Variants in GLIPR2 observed in about 807,000 individuals in gnomAD.
GLIPR2 encodes the protein GLI pathogenesis related 2.
GLIPR2 carries 21 observed loss-of-function variants against 20.4 expected under a neutral mutation model. That is an observed-to-expected ratio of 1.03 (90% confidence interval 0.73 to 1.48). The LOEUF is 1.48. Among genes scored for constraint, GLIPR2 ranks in the 40% most tolerant of loss-of-function variants. The pLI, the probability that GLIPR2 is intolerant of heterozygous loss-of-function variation, is 0.00. For missense variants in GLIPR2, 205 were observed against 200.1 expected, an observed-to-expected ratio of 1.02 and a Z score of -0.15; for synonymous variants, 91 against 80.5, an observed-to-expected ratio of 1.13 and a Z score of -0.70.
At chr9:36,150,381 G>A (rs140232672) in intron 3 of GLIPR2, among the ~76,000 whole-genome samples, 58 of 152,336 alleles carry the variant, frequency 3.8e-4, no homozygotes, top group African/African-American at 1.3e-3. Context: ...CCCCAGGTGA[G>A]GTCCCTCCTG....
At chr9:36,147,486 C>G (rs1045214879) in intron 1 of GLIPR2, among the ~76,000 whole-genome samples, 1 of 152,260 alleles carries the variant, frequency 6.6e-6, no homozygotes, top group African/African-American at 2.4e-5. Context: ...AGCTCACTGC[C>G]CTGCTCCCTT....
intron 4 of GLIPR2, among the ~76,000 whole-genome samples, chr9:36,153,708 C>G (rs1292799365): frequency 6.6e-6 from 1 of 152,036 alleles, no homozygotes; most frequent in Non-Finnish European, 1.5e-5. Flanking sequence ...CAAGATCAGC[C>G]TGGCCAACAT....
Position 36,148,552 on chromosome 9 carries a change from C to T in GLIPR2, c.128C>T (p.Ser43Phe). The T allele has an allele frequency of 5.6e-6, 9 of 1,613,242 alleles. No homozygotes were observed. The highest frequency in any genetic ancestry group is 1.3e-5 in the African/African-American group (1 of 75,050). ...KNLNREAQQY[S>F]EALASTRILK... is the part of the protein sequence containing the mutation. ...AGGCGCTGTGAACTCTGCAGGTATT[C>T]TGAGGCCCTGGCCAGCACGAGGATC... The change falls in exon 3 of 5, where the codon TCT becomes TTT. Residue 43 changes from serine (S) to phenylalanine (F), a missense_variant. Physicochemically the swap from Ser to Phe is radical, Grantham distance 155. Transcript: ENST00000377960.
intron 4 of GLIPR2, among the ~76,000 whole-genome samples, chr9:36,159,972 A>G (rs867102571): frequency 6.6e-6 from 1 of 152,198 alleles, no homozygotes; most frequent in African/African-American, 2.4e-5. Context: ...TCAAAAATAA[A>G]TAAATAAATA....
At chr9:36,158,861 T>C (rs1414557424) in intron 4 of GLIPR2, among the ~76,000 whole-genome samples, 1 of 152,180 alleles carries the variant, frequency 6.6e-6, no homozygotes, top group Non-Finnish European at 1.5e-5. Context: ...GGTCAGGAGT[T>C]TGAGACCAGC....
chr9:36,160,238 G>A (rs1239260861), intron 4 of GLIPR2, among the ~76,000 whole-genome samples: 3 of 152,144 alleles, frequency 2.0e-5, no homozygotes, highest in Non-Finnish European at 4.4e-5. Context: ...GGTCAGGCTG[G>A]TCTCCAACTC....
intron 1 of GLIPR2, among the ~76,000 whole-genome samples, chr9:36,139,724 A>G (rs1341708007): frequency 6.6e-6 from 1 of 152,192 alleles, no homozygotes; most frequent in East Asian, 1.9e-4. Context: ...TGCTTGGCAT[A>G]ACAGGCGTTA....
At chr9:36,147,131 C>T (rs7022784) in intron 1 of GLIPR2, among the ~76,000 whole-genome samples, 61,314 of 152,020 alleles carry the variant, frequency 0.4, 12,746 homozygotes, top group South Asian at 0.53. Context: ...TACCAATTCT[C>T]GAGGTATTTC....
At position 36,136,741 on chromosome 9, in the gene GLIPR2, G is replaced by A; in HGVS notation, c.-38G>A. Reference sequence around the variant, plus strand: ...CGCTGGGCCGGGCGAGCGCAGTGCAGCGCAGCCGCGGGGAGCGAGGAGCGC... The same window carrying A: ...CGCTGGGCCGGGCGAGCGCAGTGCAACGCAGCCGCGGGGAGCGAGGAGCGC... On this transcript the variant is annotated 5_prime_UTR_variant, in exon 1 of 5. Transcript: ENST00000377960. This position sits in a 1 kb window ranked among gnomAD's most constrained non-coding sequence, Gnocchi z 4.3. The A allele has an allele frequency of 2.4e-6, 3 of 1,270,016 alleles. No homozygotes were observed. Among genetic ancestry groups the A allele is most frequent in the Non-Finnish European group, 3.0e-6 (3 of 1,008,436 alleles). 78.7% of individuals were successfully genotyped at this position (1,270,016 alleles called of 1,614,324 possible). A position where few individuals can be genotyped will look rare whatever the true frequency, so the allele number is the denominator to read the frequency against.
At chr9:36,162,180 A>T (rs1252022643) in intron 4 of GLIPR2, 182 bp from the exon 5 acceptor site, 1 of 1,306,014 alleles carries the variant, frequency 7.7e-7, no homozygotes, top group Non-Finnish European at 1.0e-6. Context: ...ATCTTGGGGG[A>T]AAAAAAAAGA....
In GLIPR2 at chr9:36,148,610, G is replaced by A. The variant is rs769910307; in HGVS notation, c.186G>A (p.Gln62=). ...ACAGCCCGGAGTCCAGCCGTGGCCA[G>A]TGTGGGGAGAACCTTGCATGGGCAT... ...LKHSPESSRG[Q]CGENLAWASY... is the part of the protein sequence containing the mutation. Residue 62 remains glutamine (Q), a synonymous_variant, in exon 3 of 5, where the codon CAG becomes CAA. Transcript: ENST00000377960. 3.1e-6 allele frequency: 5 copies of A among 1,614,108 alleles called. No homozygotes were observed. In the East Asian group the frequency reaches 6.7e-5, roughly 22 times the overall value.
chr9:36,136,965 G>A lies in GLIPR2; in HGVS notation c.13+174G>A, dbSNP rs1361950710. 2 of 757,342 alleles carry A rather than the reference G, an allele frequency of 2.6e-6. No individual in the cohort carries two copies. The highest frequency in any genetic ancestry group is 3.6e-6 in the Non-Finnish European group (2 of 556,012). 46.9% of individuals were successfully genotyped at this position (757,342 alleles called of 1,614,324 possible). On this transcript the variant is annotated intron_variant, in intron 1 of 4. Coordinates refer to ENST00000377960, the MANE Select transcript of GLIPR2 (RefSeq NM_022343.4). This position sits in a 1 kb window ranked among gnomAD's most constrained non-coding sequence, Gnocchi z 4.3. ...CGGTTTCCGGGGAACCCGGGGGGAAGGCGAGCCCGAGGGAGGCCCCCGCCG... is the reference window on the plus strand; with the variant it reads ...CGGTTTCCGGGGAACCCGGGGGGAAAGCGAGCCCGAGGGAGGCCCCCGCCG...
intron 1 of GLIPR2, among the ~76,000 whole-genome samples, chr9:36,139,447 C>T (rs949368939): frequency 6.6e-6 from 1 of 152,122 alleles, no homozygotes; most frequent in African/African-American, 2.4e-5. Flanking sequence ...ATATCTGGCT[C>T]TCCTAGGGTC....
At position 36,148,622 on chromosome 9, in the gene GLIPR2, C is replaced by T. The variant is rs1486685646; in HGVS notation, c.198C>T (p.Asn66=). ...PESSRGQCGE[N]LAWASYDQTG... ...CCAGCCGTGGCCAGTGTGGGGAGAA[C>T]CTTGCATGGGCATCCTATGATCAGA... Residue 66 remains asparagine (N), a synonymous_variant, in exon 3 of 5, where the codon AAC becomes AAT. Transcript: ENST00000377960. The T allele has an allele frequency of 2.5e-6, 4 of 1,613,710 alleles. No individual in the cohort carries two copies. The highest frequency in any genetic ancestry group is 1.1e-5 in the South Asian group (1 of 91,032).
chr9:36,136,866 G>A lies in GLIPR2; in HGVS notation c.13+75G>A. The A allele has an allele frequency of 8.0e-7, 1 of 1,253,184 alleles. No individual in the cohort carries two copies. The highest frequency in any genetic ancestry group is 3.0e-5 in the South Asian group (1 of 33,730). 77.6% of individuals were successfully genotyped at this position (1,253,184 alleles called of 1,614,324 possible). ...CCGGACCTCGCCGTCTCCCTCGTCC[G>A]CCGCAAGCCAGGTCCTGGGGAGTGC... On this transcript the variant is annotated intron_variant, in intron 1 of 4. Coordinates refer to ENST00000377960, the MANE Select transcript of GLIPR2 (RefSeq NM_022343.4). The surrounding 1 kb of genome is among the most constrained non-coding windows in gnomAD (Gnocchi z 4.3).
chr9:36,156,814 G>T (rs553761825), intron 4 of GLIPR2, among the ~76,000 whole-genome samples: 83 of 152,262 alleles, frequency 5.5e-4, no homozygotes, highest in African/African-American at 1.9e-3. Flanking sequence ...ATCTGAGGTG[G>T]AACAGTTTCA....
chr9:36,148,495 T>C (rs1825438046), intron 2 of GLIPR2, 52 bp from the exon 3 acceptor site: 2 of 1,353,800 alleles, frequency 1.5e-6, no homozygotes, highest in Admixed American at 1.7e-5. Flanking sequence ...GCACATACTT[T>C]GGGGGTTCCC....
chr9:36,162,630 G>A lies in GLIPR2; in HGVS notation c.*108G>A. ...TGTCCCTGTGGGTGTATGTGCTTGT[G>A]TGTGTGATGCATGTGAGCGTCTCTG... is the stretch of plus-strand genomic sequence containing the variant. On this transcript the variant is annotated 3_prime_UTR_variant, in exon 5 of 5. Coordinates refer to ENST00000377960, the MANE Select transcript of GLIPR2 (RefSeq NM_022343.4). 1.9e-6 allele frequency: 2 copies of A among 1,049,046 alleles called. No homozygotes were observed. Among genetic ancestry groups the A allele is most frequent in the East Asian group, 2.6e-5 (1 of 38,720 alleles). 65.0% of individuals were successfully genotyped at this position (1,049,046 alleles called of 1,614,324 possible).
In GLIPR2 at chr9:36,154,107, C is replaced by CG. The variant is rs200911287; in HGVS notation, c.304+3158_304+3159insG. ...ATTATATATATATATCTTTTCCCCC[C>CG]CCCTTTGAGACCGAGTCTCACTCCG... On this transcript the variant is annotated intron_variant, in intron 4 of 4. Transcript: ENST00000377960. Among the ~76,000 whole-genome samples the CG allele has an allele frequency of 3.5e-3, 509 of 145,902 alleles. 5 individuals carry two copies. The highest frequency in any genetic ancestry group is 6.0e-3 in the Non-Finnish European group (400 of 66,784).
Sources: gnomAD v4.1 joint callset for allele counts (sites outside exome capture counted in the v4.1 genomes callset) on GRCh38, gnomAD v4.1.1 for gene constraint, Gnocchi (gnomAD v3.1) non-coding constraint, MANE v1.5 for transcripts, NCBI Gene and HGNC (gene_info 2026-07-23, HGNC 2026-07-21) for gene names.